Variants in ASPM observed in about 807,000 individuals in gnomAD.
ASPM encodes the protein abnormal spindle-like microcephaly-associated protein.
ASPM carries 256 observed loss-of-function variants against 366.4 expected under a neutral mutation model. That is an observed-to-expected ratio of 0.70 (90% CI 0.63 to 0.77). The LOEUF (loss-of-function observed/expected upper bound fraction) is 0.77, where lower values mean the gene tolerates loss of function less well. ASPM is among the 30% of genes least tolerant of loss of function. The pLI, the probability that ASPM is intolerant of heterozygous loss-of-function variation, is 0.00. For missense variants in ASPM, 4,146 were observed against 4,090.4 expected (o/e 1.01, Z -0.37); for synonymous variants, 1,414 against 1,342.9 (o/e 1.05, Z -1.16).
Position 197,094,171 on chromosome 1 carries a change from A to G in ASPM, c.8997T>C (p.Asn2999=). 1 of 1,602,558 alleles carries G rather than the reference A, an allele frequency of 6.2e-7. No individual in the cohort carries two copies. Among genetic ancestry groups the G allele is most frequent in the Non-Finnish European group, 8.5e-7 (1 of 1,172,104 alleles). Reference sequence around the variant, plus strand: ...GAATGATAATTGCTGATGCTCTCACATTCAAAAACCTAAAAAGTAGTTATT... The same window carrying G: ...GAATGATAATTGCTGATGCTCTCACGTTCAAAAACCTAAAAAGTAGTTATT... ...YTKLERTRFL[N]VRASAIIIQR... Residue 2999 remains asparagine (N), a synonymous_variant, in exon 20 of 28, where the codon AAT becomes AAC. Transcript: ENST00000367409.
chr1:197,094,917 G>A (rs1219444808), intron 19 of ASPM, among the ~76,000 whole-genome samples: 1 of 151,566 alleles, frequency 6.6e-6, no homozygotes, highest in East Asian at 1.9e-4. Flanking sequence ...CTTAATAGCT[G>A]ATAGTAGCAA....
At chr1:197,110,522 T>C (rs1277471995) in intron 17 of ASPM, among the ~76,000 whole-genome samples, 1 of 152,034 alleles carries the variant, frequency 6.6e-6, no homozygotes, top group Non-Finnish European at 1.5e-5. Context: ...AAGTGATAAC[T>C]GGATTCCAAT....
chr1:197,113,684 A>G lies in ASPM; in HGVS notation c.4065+4105T>C, dbSNP rs184476516. On this transcript the variant is annotated intron_variant, in intron 17 of 27. Transcript: ENST00000367409. ...ACAAGAAATTTCATTAGTAAGATAT[A>G]AAACAGTAAGTTATAGCCTGGGAGA... Among the ~76,000 whole-genome samples, 566 of 152,310 alleles carry G rather than the reference A, an allele frequency of 3.7e-3. 2 individuals are homozygous for G. Among genetic ancestry groups the G allele is most frequent in the Non-Finnish European group, 4.3e-3 (294 of 68,020 alleles).
chr1:197,096,220 A>T (rs779079974), intron 18 of ASPM, 56 bp from the exon 19 acceptor site: 30 of 1,414,352 alleles, frequency 2.1e-5, no homozygotes, highest in Non-Finnish European at 2.7e-5. Context: ...TTTTTTTGTA[A>T]ATAAGACAAA....
rs888067823 is a variant in ASPM at position 197,093,455 on chromosome 1, G to A, written c.9085-194C>T. Among the ~76,000 whole-genome samples the A allele has an allele frequency of 4.6e-5, 7 of 151,792 alleles. No individual in the cohort carries two copies. In the South Asian group the frequency reaches 1.0e-3, roughly 22 times the overall value. On this transcript the variant is annotated intron_variant, in intron 20 of 27. Transcript: ENST00000367409. ...ATAGGTCTATAGCCAAGATGAAGGT[G>A]TAAGCCAAGGGTCAAGGGTCAATAG...
Position 197,143,344 on chromosome 1 carries a change from G to C in ASPM, c.908C>G (p.Ser303Cys). 6.2e-7 allele frequency: 1 copy of C among 1,613,940 alleles called. No individual in the cohort carries two copies. Among genetic ancestry groups the C allele is most frequent in the Non-Finnish European group, 8.5e-7 (1 of 1,179,832 alleles). ...GCTTTGTGTAATGTTCAAAGTTGAA[G>C]AACAGTTGGGGGTAAGACTAAGTTT... ...NSKLSLTPNC[S>C]STLNITQSQI... The change falls in exon 3 of 28, where the codon TCT becomes TGT. Residue 303 changes from serine (S) to cysteine (C), a missense_variant. Physicochemically the swap from Ser to Cys is moderately radical, Grantham distance 112. Transcript: ENST00000367409.
chr1:197,138,614 G>A, intron 4 of ASPM: 1 of 444,820 alleles, frequency 2.2e-6, no homozygotes, highest in South Asian at 2.1e-5. Flanking sequence ...TCACACTTTA[G>A]TTAGGGAAAA....
rs778495233 is a variant in ASPM at position 197,102,185 on chromosome 1, C to T, written c.7066G>A (p.Ala2356Thr). ...ATCACAACGGAGGCCTGTTTCAAAG[C>T]CTGATATCTCATATGTAATCTGTGC... ...RMHRLHMRYQ[A>T]LKQASVVIQQ... Residue 2356 changes from alanine (A) to threonine (T), a missense_variant, in exon 18 of 28, where the codon GCT becomes ACT. Ala to Thr is a moderately conservative substitution (Grantham distance 58, BLOSUM62 0). This residue lies in a region of ASPM where 3,624 missense variants were observed against 3,591.7 expected (regional missense o/e 1.01). Coordinates refer to ENST00000367409, the MANE Select transcript of ASPM (RefSeq NM_018136.5). 1.2e-6 allele frequency: 2 copies of T among 1,612,754 alleles called. No homozygotes were observed. Among genetic ancestry groups the T allele is most frequent in the Admixed American group, 3.3e-5 (2 of 59,800 alleles).
intron 4 of ASPM, among the ~76,000 whole-genome samples, chr1:197,136,791 T>A (rs1240757312): frequency 1.3e-5 from 2 of 152,100 alleles, no homozygotes; most frequent in South Asian, 4.1e-4. Context: ...AAACTCTATT[T>A]CACATAAAAC....
At chr1:197,141,514 T>C (rs1244438062) in intron 3 of ASPM, among the ~76,000 whole-genome samples, 1 of 152,222 alleles carries the variant, frequency 6.6e-6, no homozygotes, top group Admixed American at 6.5e-5. Context: ...TAAGGTTCTA[T>C]GAATTGAACA....
chr1:197,092,999 C>A (rs185289429), intron 21 of ASPM, 53 bp downstream of exon 21: 3 of 1,438,074 alleles, frequency 2.1e-6, no homozygotes, highest in African/African-American at 2.8e-5. Flanking sequence ...CACTATTTAA[C>A]ATCAAGTGCT....
chr1:197,141,061 A>G (rs1203154366), intron 3 of ASPM, among the ~76,000 whole-genome samples: 1 of 152,168 alleles, frequency 6.6e-6, no homozygotes, highest in Non-Finnish European at 1.5e-5. Flanking sequence ...ACTGCTACTA[A>G]ATATAAGCAA....
chr1:197,137,767 C>T (rs1185022158), intron 4 of ASPM, among the ~76,000 whole-genome samples: 3 of 152,196 alleles, frequency 2.0e-5, no homozygotes, highest in South Asian at 4.1e-4. Flanking sequence ...AGGTGTAAGC[C>T]ACTGCACCCA....
Position 197,104,054 on chromosome 1 carries a change from T to C in ASPM, c.5197A>G (p.Ile1733Val). The C allele has an allele frequency of 1.2e-6, 2 of 1,612,936 alleles. No individual in the cohort carries two copies. The highest frequency in any genetic ancestry group is 1.7e-6 in the Non-Finnish European group (2 of 1,179,442). ...EEYMQMRESC[I>V]KLQAFVRGYL... ...CCTCTAACAAATGCTTGCAGTTTGATACAAGATTCCCGCATCTGCATATAC... is the reference window on the plus strand; with the variant it reads ...CCTCTAACAAATGCTTGCAGTTTGACACAAGATTCCCGCATCTGCATATAC... The change falls in exon 18 of 28, where the codon ATC (isoleucine) becomes GTC (valine). Residue 1733 changes from isoleucine (I) to valine (V), a missense_variant. Physicochemically the swap from Ile to Val is conservative, Grantham distance 29. Around this residue, in one of 3 missense-constraint regions of ASPM, gnomAD observed 3,624 missense variants for 3,591.7 expected, o/e 1.01. Coordinates refer to ENST00000367409, the MANE Select transcript of ASPM (RefSeq NM_018136.5).
Position 197,104,838 on chromosome 1 carries a change from TATG to T in ASPM, c.4410_4412del (p.Ile1471del), listed in dbSNP as rs773078697. On this transcript the variant is annotated inframe_deletion, in exon 18 of 28. Coordinates refer to ENST00000367409, the MANE Select transcript of ASPM (RefSeq NM_018136.5). ...CTTTATGCATTCTATACCATGATTG[TATG>T]ATAATAGCAGAATTTTCTTCTTTAG... The T allele has an allele frequency of 6.3e-6, 10 of 1,595,378 alleles. No homozygotes were observed. The African/African-American group carries it at 1.1e-4, about 17-fold the overall frequency.
At chr1:197,132,252 AT>A (rs1264478224) in intron 7 of ASPM, 32 bp downstream of exon 7, 1 of 1,506,610 alleles carries the variant, frequency 6.6e-7, no homozygotes, top group Non-Finnish European at 9.1e-7. Flanking sequence ...TAATAAAAAA[AT>A]ATTATTTTAG....
chr1:197,109,007 T>C (rs915576807), intron 17 of ASPM, among the ~76,000 whole-genome samples: 2 of 143,224 alleles, frequency 1.4e-5, no homozygotes, highest in African/African-American at 5.2e-5. Flanking sequence ...CAGAGAAGAA[T>C]GTTTGAGATG....
In ASPM at chr1:197,106,072, T is replaced by G. The variant is rs139902590; in HGVS notation, c.4066-887A>C. On this transcript the variant is annotated intron_variant, in intron 17 of 27. Transcript: ENST00000367409. ...CATATAAGTAGAGTAATATAGGGAC[T>G]GGGTACCTCGCTCTCCTATAGCAGT... is the stretch of plus-strand genomic sequence containing the variant. Among the ~76,000 whole-genome samples the G allele has an allele frequency of 4.1e-3, 621 of 152,136 alleles. 7 individuals carry two copies. Among genetic ancestry groups the G allele is most frequent in the African/African-American group, 0.013 (538 of 41,532 alleles).
intron 19 of ASPM, among the ~76,000 whole-genome samples, chr1:197,094,700 A>G (rs1465830300): frequency 6.6e-6 from 1 of 151,768 alleles, no homozygotes; most frequent in East Asian, 1.9e-4. Context: ...AAAATTTTAA[A>G]AAATCTGAGC....
Sources: gnomAD v4.1 joint callset for allele counts (sites outside exome capture counted in the v4.1 genomes callset) on GRCh38, gnomAD v4.1.1 for gene constraint, gnomAD v4.1.1 regional missense constraint, MANE v1.5 for transcripts, NCBI Gene and HGNC (gene_info 2026-07-23, HGNC 2026-07-21) for gene names.